The following FBXO43 variants were observed in gnomAD, a reference collection of about 807,000 sequenced individuals.
The protein encoded by FBXO43 is F-box only protein 43.
In FBXO43, 22 loss-of-function variants were observed where a neutral mutation model predicts 56.7. That is an observed-to-expected ratio of 0.39 (90% confidence interval 0.28 to 0.55). The LOEUF (loss-of-function observed/expected upper bound fraction) is 0.55. Ranked by LOEUF, FBXO43 falls within the 20% of genes least tolerant of loss-of-function variation. The pLI is 0.66. For synonymous variants in FBXO43, 306 were observed against 294.5 expected (o/e 1.04, Z -0.40); for missense variants, 733 against 814.9 (o/e 0.90, Z 1.22).
In FBXO43 at chr8:100,141,279, T is replaced by G; in HGVS notation, c.975A>C (p.Arg325Ser). Residue 325 changes from arginine (R) to serine (S), a missense_variant, in exon 2 of 5, where the codon AGA (arginine) becomes AGC (serine). Arg to Ser is a moderately radical substitution (Grantham distance 110, BLOSUM62 -1). Transcript: ENST00000428847. ...TGTCTTCAGGCGTTGAAATACTGCC[T>G]CTCACTTCAGGTGAAGGAGAAAGTA... ...SQILSPSPEV[R>S]GSISTPEDSG... The G allele has an allele frequency of 6.2e-7, 1 of 1,614,156 alleles. No homozygotes were observed. The highest frequency in any genetic ancestry group is 8.5e-7 in the Non-Finnish European group (1 of 1,180,032).
chr8:100,146,878 C>T (rs981691568), upstream of FBXO43, among the ~76,000 whole-genome samples: 3 of 152,218 alleles, frequency 2.0e-5, no homozygotes, highest in African/African-American at 7.2e-5. Flanking sequence ...GACAGGGTCT[C>T]GCTCTGTCAC....
intron 2 of FBXO43, among the ~76,000 whole-genome samples, chr8:100,138,633 A>G (rs1814546476): frequency 6.6e-6 from 1 of 152,238 alleles, no homozygotes; most frequent in African/African-American, 2.4e-5. Context: ...AGAGATGGGA[A>G]GGAGAGATAA....
At chr8:100,146,783 C>T (rs1015703149), upstream of FBXO43, among the ~76,000 whole-genome samples, 1 of 152,214 alleles carries the variant, frequency 6.6e-6, no homozygotes, top group African/African-American at 2.4e-5. Context: ...ATAACAGGCA[C>T]TACCACCACT....
chr8:100,138,080 A>T (rs751654123), intron 2 of FBXO43, among the ~76,000 whole-genome samples: 3 of 152,238 alleles, frequency 2.0e-5, no homozygotes, highest in Non-Finnish European at 2.9e-5. Context: ...TTGATTACAT[A>T]AACACAAGCA....
chr8:100,134,848 A>G (rs1035309922), intron 3 of FBXO43, among the ~76,000 whole-genome samples: 1 of 152,152 alleles, frequency 6.6e-6, no homozygotes, highest in Non-Finnish European at 1.5e-5. Context: ...GAATAGTTCA[A>G]GTAGAAAGCA....
intron 1 of FBXO43, among the ~76,000 whole-genome samples, chr8:100,144,700 G>A (rs1470661976): frequency 6.6e-6 from 1 of 151,502 alleles, no homozygotes; most frequent in Non-Finnish European, 1.5e-5. Context: ...GGGAGGCCGG[G>A]GCGGGCGGAT....
Position 100,141,385 on chromosome 8 carries a change from G to T in FBXO43, c.869C>A (p.Thr290Lys), listed in dbSNP as rs202229125. The change falls in exon 2 of 5, where the codon ACA (threonine) becomes AAA (lysine). Residue 290 changes from threonine (T) to lysine (K), a missense_variant. Transcript: ENST00000428847. Reference sequence around the variant, plus strand: ...TATGTCCTCATCTGTTCCACAAGTTGTTCCACTAACAGAGGAGCCCAGGAG... The same window carrying T: ...TATGTCCTCATCTGTTCCACAAGTTTTTCCACTAACAGAGGAGCCCAGGAG... Reference protein sequence around the residue: ...PELLGSSVSGTTCGTDEDIFV... With the variant: ...PELLGSSVSGKTCGTDEDIFV... 1 of 1,613,366 alleles carries T rather than the reference G, an allele frequency of 6.2e-7. No individual in the cohort carries two copies. The highest frequency in any genetic ancestry group is 8.5e-7 in the Non-Finnish European group (1 of 1,179,984).
Position 100,134,284 on chromosome 8 carries a change from C to G in FBXO43, c.1755G>C (p.Gln585His), listed in dbSNP as rs1446237829. ...CTCTCTGAGAACCAGGTATCCTAGC[C>G]TGTGCCTGCACAGATCTTAAAGCTG... is the stretch of plus-strand genomic sequence containing the variant. ...NRSALRSVQA[Q>H]ARIPGSQREQ... Residue 585 changes from glutamine to histidine, a missense_variant, in exon 4 of 5, where the codon CAG becomes CAC. By Grantham distance (24) the Gln-to-His change is conservative (BLOSUM62 0). Transcript: ENST00000428847. The G allele has an allele frequency of 4.3e-6, 7 of 1,614,018 alleles. No individual in the cohort carries two copies. Among genetic ancestry groups the G allele is most frequent in the Non-Finnish European group, 5.9e-6 (7 of 1,180,038 alleles).
chr8:100,142,206 G>A (rs1372995396), intron 1 of FBXO43, 38 bp from the exon 2 acceptor site: 7 of 1,496,220 alleles, frequency 4.7e-6, no homozygotes, highest in Non-Finnish European at 6.2e-6. Flanking sequence ...CCTTTGAAAT[G>A]AGTATCCAGG....
intron 2 of FBXO43, among the ~76,000 whole-genome samples, chr8:100,138,498 G>T (rs115644014): frequency 9.5e-4 from 144 of 152,262 alleles, no homozygotes; most frequent in African/African-American, 3.2e-3. Context: ...CCCAATGATG[G>T]GGAAGAAATG....
Position 100,141,112 on chromosome 8 carries a change from G to C in FBXO43, c.1142C>G (p.Ser381Trp). 6.2e-7 allele frequency: 1 copy of C among 1,614,108 alleles called. No individual in the cohort carries two copies. Among genetic ancestry groups the C allele is most frequent in the Non-Finnish European group, 8.5e-7 (1 of 1,180,022 alleles). The change falls in exon 2 of 5, where the codon TCG (serine) becomes TGG (tryptophan). Residue 381 changes from serine (S) to tryptophan (W), a missense_variant. Physicochemically the swap from Ser to Trp is radical, Grantham distance 177. Coordinates refer to ENST00000428847, the MANE Select transcript of FBXO43 (RefSeq NM_001029860.4). ...TTCCCGAAGGGTGGACAGTCTTCTC[G>C]ACCTTCCAAGATGTCTTGTCTTTCT... ...TIRKTRHLGR[S>W]RRLSTLREQS... is the part of the protein sequence containing the mutation.
upstream of FBXO43, among the ~76,000 whole-genome samples, chr8:100,149,451 C>T (rs1814882074): frequency 6.6e-6 from 1 of 152,174 alleles, no homozygotes; most frequent in Non-Finnish European, 1.5e-5. Context: ...CCTATTGTGC[C>T]TCTTGTATTA....
intron 3 of FBXO43, among the ~76,000 whole-genome samples, 199 bp from the exon 4 acceptor site, chr8:100,134,563 A>G (rs1027887840): frequency 1.6e-4 from 25 of 152,162 alleles, no homozygotes; most frequent in African/African-American, 6.0e-4. Flanking sequence ...AGTTAAATAA[A>G]TATAAAAAGA....
chr8:100,144,708 G>T (rs1424182358), intron 1 of FBXO43, among the ~76,000 whole-genome samples: 1 of 151,380 alleles, frequency 6.6e-6, no homozygotes, highest in African/African-American at 2.4e-5. Flanking sequence ...GGGGCGGGCG[G>T]ATCACGAGGT....
Position 100,141,627 on chromosome 8 carries a change from G to C in FBXO43, c.627C>G (p.Ser209Arg). 6.2e-7 allele frequency: 1 copy of C among 1,613,066 alleles called. No homozygotes were observed. The highest frequency in any genetic ancestry group is 8.5e-7 in the Non-Finnish European group (1 of 1,179,812). Residue 209 changes from serine (S) to arginine (R), a missense_variant, in exon 2 of 5, where the codon AGC (serine) becomes AGG (arginine). Coordinates refer to ENST00000428847, the MANE Select transcript of FBXO43 (RefSeq NM_001029860.4). ...RANNFSPLVT[S>R]TLKTEEVTSC... ...AAGTCACTTCTTCTGTTTTTAAAGT[G>C]CTAGTAACTAAAGGGCTAAAATTAT...
Position 100,141,760 on chromosome 8 carries a change from A to C in FBXO43, c.494T>G (p.Leu165Arg), listed in dbSNP as rs1488579163. The C allele has an allele frequency of 6.3e-7, 1 of 1,593,936 alleles. No individual in the cohort carries two copies. The highest frequency in any genetic ancestry group is 8.5e-7 in the Non-Finnish European group (1 of 1,169,854). ...ATTTTGTGATTCAAAGTCCCCTTTT[A>C]GAAGAGCGAAAGATACATTCAACCT... ...RRRLNVSFAL[L>R]KGDFESQNSS... Residue 165 changes from leucine (L) to arginine (R), a missense_variant, in exon 2 of 5, where the codon CTA becomes CGA. Physicochemically the swap from Leu to Arg is moderately radical, Grantham distance 102. Transcript: ENST00000428847.
intron 2 of FBXO43, 113 bp downstream of exon 2, chr8:100,140,570 A>T: frequency 1.3e-6 from 1 of 795,212 alleles, no homozygotes; most frequent in Non-Finnish European, 2.0e-6. Context: ...TTGATATAAG[A>T]CAACAAAAGA....
At chr8:100,138,357 C>G (rs1814537343) in intron 2 of FBXO43, among the ~76,000 whole-genome samples, 1 of 152,154 alleles carries the variant, frequency 6.6e-6, no homozygotes, top group African/African-American at 2.4e-5. Context: ...TAAGTCACTT[C>G]TTACGGAGGG....
chr8:100,150,381 G>A (rs1814896617), upstream of FBXO43, among the ~76,000 whole-genome samples: 1 of 152,196 alleles, frequency 6.6e-6, no homozygotes, highest in Admixed American at 6.5e-5. Flanking sequence ...TTCTGGAAAA[G>A]TGTTACTTTG....
Sources: allele counts gnomAD v4.1 joint callset (sites outside exome capture counted in the v4.1 genomes callset), GRCh38; gene constraint gnomAD v4.1.1; transcripts MANE v1.5; gene names NCBI Gene and HGNC (gene_info 2026-07-23, HGNC 2026-07-21).